The following THUMPD2 variants were observed in gnomAD, a reference collection of about 807,000 sequenced individuals.
The protein encoded by THUMPD2 is THUMP domain 2 tRNA and snRNA guanosine methyltransferase.
In THUMPD2, 56 loss-of-function variants were observed where a neutral mutation model predicts 49.4. The observed-to-expected ratio is 1.13, with a 90% confidence interval of 0.91 to 1.41. The LOEUF is 1.41. THUMPD2 is among the 40% of genes most tolerant of loss of function. The pLI, the probability that THUMPD2 is intolerant of heterozygous loss-of-function variation, is 0.00. For missense variants in THUMPD2, 709 were observed against 594.5 expected (o/e 1.19, Z -2.00); for synonymous variants, 237 against 205.2 (o/e 1.15, Z -1.32).
intron 9 of THUMPD2, among the ~76,000 whole-genome samples, chr2:39,737,441 C>T (rs1028491289): frequency 1.3e-5 from 2 of 151,974 alleles, no homozygotes; most frequent in African/African-American, 2.4e-5. Context: ...AAAGAAATGG[C>T]GAAGGAAAAA....
intron 5 of THUMPD2, among the ~76,000 whole-genome samples, chr2:39,763,597 T>C (rs1435490554): frequency 6.6e-6 from 1 of 152,188 alleles, no homozygotes; most frequent in Non-Finnish European, 1.5e-5. Context: ...TCCTTAACTA[T>C]TTTTTGATTT....
intron 1 of THUMPD2, among the ~76,000 whole-genome samples, chr2:39,774,849 C>T (rs1331366463): frequency 6.6e-6 from 1 of 152,018 alleles, no homozygotes; most frequent in Non-Finnish European, 1.5e-5. Context: ...CTAAAAACAG[C>T]TGGTTTTATG....
In THUMPD2 at chr2:39,749,321, C is replaced by G. The variant is rs573565666; in HGVS notation, c.1079-4843G>C. 3.3e-5 allele frequency among the ~76,000 whole-genome samples: 5 copies of G among 152,286 alleles called. No individual in the cohort carries two copies. The South Asian group carries it at 1.0e-3, about 32-fold the overall frequency. ...GGAATTGACTTAACTGATTATCTTT[C>G]TAAATTATGTGATGATATTGATACA... On this transcript the variant is annotated intron_variant, in intron 8 of 9. Transcript: ENST00000505747.
chr2:39,777,349 G>C (rs1360011509), intron 1 of THUMPD2, among the ~76,000 whole-genome samples: 1 of 152,176 alleles, frequency 6.6e-6, no homozygotes, highest in African/African-American at 2.4e-5. Context: ...CTCTACCGTG[G>C]TGTTACAGAA....
intron 9 of THUMPD2, among the ~76,000 whole-genome samples, chr2:39,742,568 T>TA (rs1352038088): frequency 2.6e-5 from 4 of 152,184 alleles, no homozygotes; most frequent in Non-Finnish European, 5.9e-5. Flanking sequence ...GATTTTCAGT[T>TA]AGAGTAAGCC....
chr2:39,774,471 TCA>T lies in THUMPD2; in HGVS notation c.127-2833_127-2832del, dbSNP rs560570004. Reference sequence around the variant, plus strand: ...TAATTATACATCCTTTTGCTTGAAGTCACAGTTTCCAGGAACCTACGGATGAC... The same window carrying T: ...TAATTATACATCCTTTTGCTTGAAGTCAGTTTCCAGGAACCTACGGATGAC... On this transcript the variant is annotated intron_variant, in intron 1 of 9. Coordinates refer to ENST00000505747, the MANE Select transcript of THUMPD2 (RefSeq NM_025264.5). Among the ~76,000 whole-genome samples, 7 of 152,336 alleles carry T rather than the reference TCA, an allele frequency of 4.6e-5. No homozygotes were observed. In the South Asian group the frequency reaches 6.2e-4, roughly 14 times the overall value.
chr2:39,736,500 ATAAAAC>A lies in THUMPD2; in HGVS notation c.*229_*234del, dbSNP rs1673095053. ...AGAACTTTTCACATTCTGACAGAAGATAAAACTTAAGTCTAAAAAATATTCGATAAC... is the reference window on the plus strand; with the variant it reads ...AGAACTTTTCACATTCTGACAGAAGATTAAGTCTAAAAAATATTCGATAAC... On this transcript the variant is annotated 3_prime_UTR_variant, in exon 10 of 10. Coordinates refer to ENST00000505747, the MANE Select transcript of THUMPD2 (RefSeq NM_025264.5). 3 of 384,208 alleles carry A rather than the reference ATAAAAC, an allele frequency of 7.8e-6. No homozygotes were observed. The highest frequency in any genetic ancestry group is 8.3e-5 in the Admixed American group (2 of 24,226). The allele number at this position is 384,208 out of a possible 1,614,324, so 23.8% of individuals were successfully genotyped here. A position where few individuals can be genotyped will look rare whatever the true frequency, so the allele number is the denominator to read the frequency against.
At chr2:39,739,692 T>C (rs947900470) in intron 9 of THUMPD2, among the ~76,000 whole-genome samples, 1 of 152,100 alleles carries the variant, frequency 6.6e-6, no homozygotes, top group Non-Finnish European at 1.5e-5. Context: ...ATGAATCTCC[T>C]GGAAAGAACC....
At chr2:39,762,416 T>G (rs1028826117) in intron 5 of THUMPD2, among the ~76,000 whole-genome samples, 6 of 152,188 alleles carry the variant, frequency 3.9e-5, no homozygotes, top group African/African-American at 1.4e-4. Context: ...TTGTATTTAT[T>G]GCAAGCCTCT....
In THUMPD2 at chr2:39,737,532, C is replaced by T. The variant is rs1019848462; in HGVS notation, c.1188-473G>A. 4.6e-5 allele frequency among the ~76,000 whole-genome samples: 7 copies of T among 152,164 alleles called. No individual in the cohort carries two copies. In the South Asian group the frequency reaches 1.2e-3, roughly 27 times the overall value. On this transcript the variant is annotated intron_variant, in intron 9 of 9. Transcript: ENST00000505747. ...CTCAATTATCAAAGTCTATGTAGCA[C>T]TTATGTGGAAAAAGTCATGAAAACA...
At chr2:39,766,310 T>C (rs891999885) in intron 4 of THUMPD2, 12 of 407,092 alleles carry the variant, frequency 2.9e-5, no homozygotes, top group East Asian at 2.7e-4. Context: ...GTACATTTCA[T>C]AGAAAAATTC....
intron 1 of THUMPD2, among the ~76,000 whole-genome samples, chr2:39,772,467 G>A (rs1678465375): frequency 6.6e-6 from 1 of 152,146 alleles, no homozygotes; most frequent in South Asian, 2.1e-4. Context: ...GGTTACTAAG[G>A]TAGAAATGAT....
chr2:39,753,584 C>A (rs4670958), intron 8 of THUMPD2, among the ~76,000 whole-genome samples: 88 of 152,076 alleles, frequency 5.8e-4, no homozygotes, highest in African/African-American at 1.9e-3. Context: ...GTCTAATAAT[C>A]GTGCGAAATT....
In THUMPD2 at chr2:39,755,923, C is replaced by G; in HGVS notation, c.929G>C (p.Gly310Ala). 1.9e-6 allele frequency: 3 copies of G among 1,613,796 alleles called. No homozygotes were observed. Among genetic ancestry groups the G allele is most frequent in the Non-Finnish European group, 2.5e-6 (3 of 1,179,876 alleles). ...AFVLDPMCGL[G>A]TILLEAAKEW... ...TTTAGCAGCTTCCAAAAGTATTGTT[C>G]CAAGTCCACACATTGGATCTAAAAC... The change falls in exon 7 of 10, where the codon GGA becomes GCA. Residue 310 changes from glycine (G) to alanine (A), a missense_variant. Coordinates refer to ENST00000505747, the MANE Select transcript of THUMPD2 (RefSeq NM_025264.5).
At chr2:39,738,941 G>C (rs1219014634) in intron 9 of THUMPD2, among the ~76,000 whole-genome samples, 1 of 152,050 alleles carries the variant, frequency 6.6e-6, no homozygotes, top group African/African-American at 2.4e-5. Context: ...AGGGGAATCT[G>C]CCTCATGCCC....
At chr2:39,773,554 TAA>T (rs1240423072) in intron 1 of THUMPD2, among the ~76,000 whole-genome samples, 1,071 of 39,964 alleles carry the variant, frequency 0.027, 16 homozygotes, top group African/African-American at 0.15. Context: ...TATTTATATT[TAA>T]AAATATATAT....
intron 4 of THUMPD2, among the ~76,000 whole-genome samples, chr2:39,766,440 G>A (rs968418033): frequency 3.9e-5 from 6 of 152,124 alleles, no homozygotes; most frequent in Non-Finnish European, 8.8e-5. Flanking sequence ...GCGTTGAGAA[G>A]ATTTTCTAAA....
chr2:39,747,836 T>C (rs1674814841), intron 8 of THUMPD2, among the ~76,000 whole-genome samples: 1 of 152,156 alleles, frequency 6.6e-6, no homozygotes, highest in Non-Finnish European at 1.5e-5. Flanking sequence ...AAACTCAAAT[T>C]ATCTCTATTA....
intron 8 of THUMPD2, among the ~76,000 whole-genome samples, chr2:39,747,616 G>A (rs1364315171): frequency 2.0e-5 from 3 of 152,106 alleles, no homozygotes; most frequent in Non-Finnish European, 2.9e-5. Context: ...TGGTGGCCCT[G>A]AAAACGTATC....
Sources: allele counts gnomAD v4.1 joint callset (sites outside exome capture counted in the v4.1 genomes callset), GRCh38; gene constraint gnomAD v4.1.1; transcripts MANE v1.5; gene names NCBI Gene and HGNC (gene_info 2026-07-23, HGNC 2026-07-21).